DEUP1: variants seen among roughly 807,000 people sequenced by gnomAD.
DEUP1 encodes the protein coiled-coil domain containing 67.
DEUP1 carries 82 observed loss-of-function variants against 87.4 expected under a neutral mutation model. The ratio of observed to expected loss-of-function variants is 0.94; its 90% confidence interval spans 0.78 to 1.13. DEUP1 has a LOEUF of 1.13. Ranked by LOEUF, DEUP1 falls within the 50% of genes most tolerant of loss-of-function variation. The pLI is 0.00. For missense variants in DEUP1, 663 were observed against 681.5 expected (o/e 0.97, Z 0.30); for synonymous variants, 214 against 222.7 (o/e 0.96, Z 0.35).
intron 2 of DEUP1, among the ~76,000 whole-genome samples, chr11:93,336,603 A>G (rs1196420638): frequency 7.2e-6 from 1 of 138,452 alleles, no homozygotes; most frequent in Admixed American, 7.2e-5. Context: ...TCAGACTTAC[A>G]TTGTTGACCT....
intron 13 of DEUP1, 91 bp downstream of exon 13, chr11:93,415,205 C>A (rs12290433): frequency 4.0e-6 from 3 of 753,460 alleles, no homozygotes; most frequent in South Asian, 3.7e-5. Context: ...CATAGTAGTT[C>A]GTTTGTTTTT....
intron 8 of DEUP1, among the ~76,000 whole-genome samples, chr11:93,386,869 A>C (rs901974169): frequency 6.6e-6 from 1 of 152,186 alleles, no homozygotes; most frequent in African/African-American, 2.4e-5. Flanking sequence ...CATTTCACAG[A>C]AGAGCACACC....
At chr11:93,348,965 A>T (rs945961934) in intron 2 of DEUP1, among the ~76,000 whole-genome samples, 1 of 152,166 alleles carries the variant, frequency 6.6e-6, no homozygotes, top group African/African-American at 2.4e-5. Flanking sequence ...TATAGATAAT[A>T]TATTCTCTGA....
intron 13 of DEUP1, among the ~76,000 whole-genome samples, chr11:93,435,394 G>C (rs891562970): frequency 2.0e-4 from 30 of 152,166 alleles, no homozygotes; most frequent in African/African-American, 7.2e-4. Context: ...AAAGACAAAG[G>C]CTGGATCAAA....
intron 2 of DEUP1, chr11:93,352,529 A>G (rs1944676610): frequency 1.6e-6 from 1 of 619,886 alleles, no homozygotes; most frequent in African/African-American, 1.8e-5. Context: ...GTGTATGACT[A>G]TTAGTAACCT....
rs562420313 is a variant in DEUP1 at position 93,394,583 on chromosome 11, A to C, written c.1166A>C (p.Lys389Thr). ...GAGATCACTATAGCAACTGTCACAA[A>C]GAAAGCTGCCCTTCTGGAAAAACAG... ...QKEITIATVT[K>T]KAALLEKQLK... Residue 389 changes from lysine (K) to threonine (T), a missense_variant, in exon 10 of 14, where the codon AAG becomes ACG. Lys to Thr is a moderately conservative substitution (Grantham distance 78, BLOSUM62 -1). Coordinates refer to ENST00000298050, the MANE Select transcript of DEUP1 (RefSeq NM_181645.4). 3 of 1,613,370 alleles carry C rather than the reference A, an allele frequency of 1.9e-6. No individual in the cohort carries two copies. Among genetic ancestry groups the C allele is most frequent in the East Asian group, 4.5e-5 (2 of 44,854 alleles).
intron 12 of DEUP1, among the ~76,000 whole-genome samples, chr11:93,410,099 A>G (rs1334486674): frequency 6.6e-6 from 1 of 152,202 alleles, no homozygotes; most frequent in Non-Finnish European, 1.5e-5. Context: ...TCTTATGGGT[A>G]TAGTACAGCC....
At chr11:93,413,568 C>A (rs952514551) in intron 12 of DEUP1, among the ~76,000 whole-genome samples, 4 of 152,088 alleles carry the variant, frequency 2.6e-5, no homozygotes, top group African/African-American at 9.7e-5. Context: ...TACATCTAAA[C>A]CTCAGTTTCA....
chr11:93,354,632 C>T (rs1340482738), intron 2 of DEUP1, among the ~76,000 whole-genome samples: 1 of 152,096 alleles, frequency 6.6e-6, no homozygotes, highest in East Asian at 1.9e-4. Flanking sequence ...AGCCAAAAAG[C>T]ACTTCTTATA....
intron 5 of DEUP1, among the ~76,000 whole-genome samples, chr11:93,368,691 C>T (rs937339789): frequency 2.6e-5 from 4 of 152,202 alleles, no homozygotes; most frequent in African/African-American, 7.2e-5. Context: ...AATCCCAGCA[C>T]TTTGGGAGGC....
chr11:93,372,394 T>C (rs552273419), intron 7 of DEUP1, among the ~76,000 whole-genome samples: 58 of 152,302 alleles, frequency 3.8e-4, no homozygotes, highest in African/African-American at 1.3e-3. Context: ...GCATACATGA[T>C]TGAGGTAAGG....
chr11:93,405,224 A>G lies in DEUP1; in HGVS notation c.1327-3007A>G, dbSNP rs545746873. On this transcript the variant is annotated intron_variant, in intron 11 of 13. Coordinates refer to ENST00000298050, the MANE Select transcript of DEUP1 (RefSeq NM_181645.4). ...ACCCTTTTCAACCAGGTCTGCCCAT[A>G]TGGTTATTTTTCCTTATGGAGGGAA... 9.2e-5 allele frequency among the ~76,000 whole-genome samples: 14 copies of G among 151,958 alleles called. No homozygotes were observed. In the South Asian group the frequency reaches 1.7e-3, roughly 18 times the overall value.
At chr11:93,384,044 C>T (rs542807052) in intron 7 of DEUP1, among the ~76,000 whole-genome samples, 1 of 152,172 alleles carries the variant, frequency 6.6e-6, no homozygotes, top group African/African-American at 2.4e-5. Flanking sequence ...GTGGAAGGGA[C>T]CTGATGATAT....
intron 2 of DEUP1, among the ~76,000 whole-genome samples, chr11:93,345,474 A>G (rs555732486): frequency 6.6e-6 from 1 of 152,292 alleles, no homozygotes; most frequent in Admixed American, 6.5e-5. Context: ...CACTCCCACA[A>G]ACAGTGTATA....
intron 5 of DEUP1, among the ~76,000 whole-genome samples, chr11:93,367,082 T>G (rs1052283032): frequency 6.6e-6 from 1 of 152,166 alleles, no homozygotes; most frequent in Non-Finnish European, 1.5e-5. Flanking sequence ...ATGGACTATC[T>G]CCATTTATCA....
At chr11:93,360,930 C>T (rs888434596) in intron 4 of DEUP1, among the ~76,000 whole-genome samples, 2 of 142,984 alleles carry the variant, frequency 1.4e-5, no homozygotes, top group African/African-American at 5.2e-5. Flanking sequence ...AAAAAGTAAA[C>T]CTGCAGATTG....
chr11:93,399,767 C>A (rs1947060120), intron 11 of DEUP1, among the ~76,000 whole-genome samples: 1 of 151,734 alleles, frequency 6.6e-6, no homozygotes, highest in Non-Finnish European at 1.5e-5. Flanking sequence ...AAAATCATAT[C>A]AACAAAAATA....
At chr11:93,394,982 C>T (rs1946893544) in intron 10 of DEUP1, among the ~76,000 whole-genome samples, 1 of 152,058 alleles carries the variant, frequency 6.6e-6, no homozygotes, top group Non-Finnish European at 1.5e-5. Context: ...ATTTCTCTTC[C>T]ATTAACATTT....
chr11:93,344,466 G>GTC, intron 2 of DEUP1, among the ~76,000 whole-genome samples: 1 of 151,790 alleles, frequency 6.6e-6, no homozygotes, highest in East Asian at 1.9e-4. Context: ...TCATGACATA[G>GTC]TCTCCTGTCT....
Sources: gnomAD v4.1 joint callset for allele counts (sites outside exome capture counted in the v4.1 genomes callset) on GRCh38, gnomAD v4.1.1 for gene constraint, MANE v1.5 for transcripts, NCBI Gene and HGNC (gene_info 2026-07-23, HGNC 2026-07-21) for gene names.